The following ADAM12 variants were observed in gnomAD, a reference collection of about 807,000 sequenced individuals.
ADAM12 encodes the protein disintegrin and metalloproteinase domain-containing protein 12.
Under a neutral mutation model 106.4 loss-of-function variants are expected in ADAM12, and 70 were observed. That is an observed-to-expected ratio of 0.66 (90% CI 0.54 to 0.80). ADAM12 has a LOEUF of 0.80. Ranked by LOEUF, ADAM12 falls within the 30% of genes least tolerant of loss-of-function variation. The probability of loss-of-function intolerance (pLI) is 0.00; values close to 1 mark genes in which losing one functional copy is unlikely to be tolerated. For missense variants in ADAM12, 1,010 were observed against 1,171.9 expected (o/e 0.86, Z 2.02); for synonymous variants, 420 against 433.5 (o/e 0.97, Z 0.39).
At chr10:126,195,742 T>G (rs1957585839) in intron 3 of ADAM12, among the ~76,000 whole-genome samples, 1 of 152,252 alleles carries the variant, frequency 6.6e-6, no homozygotes, top group Non-Finnish European at 1.5e-5. Flanking sequence ...GTATCAATCT[T>G]AAATATTGTT....
At chr10:126,022,720 G>T (rs909870729) in intron 21 of ADAM12, among the ~76,000 whole-genome samples, 1 of 152,214 alleles carries the variant, frequency 6.6e-6, no homozygotes, top group Non-Finnish European at 1.5e-5. Flanking sequence ...GCTGAGAAAT[G>T]ACTCTAAGCA....
In ADAM12 at chr10:126,038,117, C is replaced by T. The variant is rs1954091042; in HGVS notation, c.2349+124G>A. Reference sequence around the variant, plus strand: ...GAGACCCTCCCTCAGAGCCTGCTGACCTAGTGAGGCTGACTCAGCATTTCA... The same window carrying T: ...GAGACCCTCCCTCAGAGCCTGCTGATCTAGTGAGGCTGACTCAGCATTTCA... On this transcript the variant is annotated intron_variant, in intron 20 of 22. Transcript: ENST00000448723. The T allele has an allele frequency of 2.6e-5, 24 of 932,302 alleles. No homozygotes were observed. In the South Asian group the frequency reaches 3.0e-4, roughly 12 times the overall value. The allele number at this position is 932,302 out of a possible 1,614,324, so 57.8% of individuals were successfully genotyped here.
rs577489730 is a variant in ADAM12, at chr10:126,042,690, C to T, written c.2104+350G>A. 9.6e-4 allele frequency among the ~76,000 whole-genome samples: 146 copies of T among 152,308 alleles called. 2 individuals carry two copies. The highest frequency in any genetic ancestry group is 3.3e-3 in the African/African-American group (137 of 41,564). ...AGGCATTAAACTTCACACCTTGTCA[C>T]CCTACCACACAGATGTCGGCCTTTA... On this transcript the variant is annotated intron_variant, in intron 18 of 22. Coordinates refer to ENST00000448723, the MANE Select transcript of ADAM12 (RefSeq NM_001288973.2).
intron 1 of ADAM12, among the ~76,000 whole-genome samples, chr10:126,378,224 G>A (rs1242922191): frequency 6.6e-6 from 1 of 152,120 alleles, no homozygotes; most frequent in Admixed American, 6.6e-5. Context: ...CAACCAATTT[G>A]GAAAGCAACT....
intron 1 of ADAM12, among the ~76,000 whole-genome samples, chr10:126,340,811 G>A (rs2133868522): frequency 6.6e-6 from 1 of 151,116 alleles, no homozygotes; most frequent in Admixed American, 6.6e-5. Context: ...TCCACCTCCT[G>A]GGTTCAAGCA....
chr10:126,342,203 G>T (rs1854955200), intron 1 of ADAM12, among the ~76,000 whole-genome samples: 1 of 152,190 alleles, frequency 6.6e-6, no homozygotes, highest in African/African-American at 2.4e-5. Context: ...GAATCACAAA[G>T]TTAGGGGACA....
At chr10:126,094,256 G>T in intron 10 of ADAM12, 123 bp from the exon 11 acceptor site, 2 of 967,920 alleles carry the variant, frequency 2.1e-6, no homozygotes, top group South Asian at 2.1e-5. Flanking sequence ...TCCTTATAAG[G>T]GACCAAGGTA....
intron 6 of ADAM12, 102 bp downstream of exon 6, chr10:126,117,936 G>C (rs532043904): frequency 1.3e-5 from 17 of 1,343,534 alleles, no homozygotes; most frequent in Non-Finnish European, 1.8e-5. Flanking sequence ...CCCAGATGCC[G>C]CATCATCTAG....
At chr10:126,369,970 C>T (rs1856052973) in intron 1 of ADAM12, among the ~76,000 whole-genome samples, 1 of 152,132 alleles carries the variant, frequency 6.6e-6, no homozygotes, top group Non-Finnish European at 1.5e-5. Flanking sequence ...GATTATATTG[C>T]CTTCTCAGTC....
At chr10:126,338,401 C>A (rs1420881379) in intron 1 of ADAM12, among the ~76,000 whole-genome samples, 1 of 151,228 alleles carries the variant, frequency 6.6e-6, no homozygotes, top group Non-Finnish European at 1.5e-5. Context: ...TACAGGCGCC[C>A]GCCACTACGC....
intron 3 of ADAM12, among the ~76,000 whole-genome samples, chr10:126,178,572 T>C (rs1957261525): frequency 1.3e-5 from 2 of 152,048 alleles, no homozygotes; most frequent in East Asian, 1.9e-4. Flanking sequence ...CTTTCTTTAA[T>C]GAGATTGAAA....
chr10:126,181,967 C>T (rs57245326), intron 3 of ADAM12, among the ~76,000 whole-genome samples: 274 of 152,308 alleles, frequency 1.8e-3, no homozygotes, highest in African/African-American at 6.3e-3. Flanking sequence ...TACACAATGC[C>T]TTTGTTTCTC....
At chr10:126,317,628 C>T (rs2133827865) in intron 2 of ADAM12, among the ~76,000 whole-genome samples, 2 of 151,968 alleles carry the variant, frequency 1.3e-5, no homozygotes, top group South Asian at 4.2e-4. Flanking sequence ...TGTTTTTTTC[C>T]CCCAGGGAAA....
At chr10:126,109,865 A>T in intron 6 of ADAM12, 25 bp from the exon 7 acceptor site, 1 of 1,605,016 alleles carries the variant, frequency 6.2e-7, no homozygotes, top group Non-Finnish European at 8.5e-7. Context: ...CATGCACTTA[A>T]TCTCTCTTAA....
intron 3 of ADAM12, among the ~76,000 whole-genome samples, chr10:126,155,847 A>G (rs184216481): frequency 4.6e-5 from 7 of 152,316 alleles, no homozygotes; most frequent in African/African-American, 7.2e-5. Context: ...CAGCAATGAA[A>G]TGCTAAAAGC....
chr10:126,041,643 CCCT>C, intron 18 of ADAM12: 4 of 987,994 alleles, frequency 4.0e-6, no homozygotes, highest in Non-Finnish European at 4.8e-6. Context: ...AAAACTAAAA[CCCT>C]GCTATTTTCA....
intron 6 of ADAM12, 95 bp downstream of exon 6, chr10:126,117,943 C>G (rs1956016755): frequency 1.4e-6 from 2 of 1,430,410 alleles, no homozygotes; most frequent in Admixed American, 3.6e-5. Flanking sequence ...GCCGCATCAT[C>G]TAGATGGCAA....
chr10:126,258,279 AC>A (rs574936158), intron 3 of ADAM12, among the ~76,000 whole-genome samples: 28 of 152,276 alleles, frequency 1.8e-4, no homozygotes, highest in African/African-American at 5.8e-4. Context: ...GAGTCATCTC[AC>A]AGTTTTCTAG....
In ADAM12 at chr10:126,190,989, CCTTTTTT is replaced by C. The variant is rs1254566355; in HGVS notation, c.261-35691_261-35685del. ...TTTGAGTTGCCATGAGGAGTTTTGT[CCTTTTTT>C]TTTTTTTTTTTTTTTTTTTTTTTCA... On this transcript the variant is annotated intron_variant, in intron 3 of 22. Transcript: ENST00000448723. Among the ~76,000 whole-genome samples the C allele has an allele frequency of 6.1e-3, 420 of 68,714 alleles. 32 individuals are homozygous for C. Among genetic ancestry groups the C allele is most frequent in the Middle Eastern group, 8.9e-3 (1 of 112 alleles). The allele number at this position is 68,714 out of a possible 152,430, so 45.1% of individuals were successfully genotyped here.
Sources: gnomAD v4.1 joint callset for allele counts (sites outside exome capture counted in the v4.1 genomes callset) on GRCh38, gnomAD v4.1.1 for gene constraint, MANE v1.5 for transcripts, NCBI Gene and HGNC (gene_info 2026-07-23, HGNC 2026-07-21) for gene names.